The following DOCK4 variants were observed in gnomAD, a reference collection of about 807,000 sequenced individuals.
DOCK4 encodes dedicator of cytokinesis 4.
Under a neutral mutation model 268.1 loss-of-function variants are expected in DOCK4, and 97 were observed. That is an observed-to-expected ratio of 0.36 (90% confidence interval 0.31 to 0.43). DOCK4 has a LOEUF of 0.43. Ranked by LOEUF, DOCK4 falls within the 20% of genes least tolerant of loss-of-function variation. The pLI, the probability that DOCK4 is intolerant of heterozygous loss-of-function variation, is 1.00. For synonymous variants in DOCK4, 954 were observed against 887.2 expected (o/e 1.08, Z -1.34); for missense variants, 2,145 against 2,455.7 (o/e 0.87, Z 2.67).
In DOCK4 at chr7:111,772,044, C is replaced by T. The variant is rs1338852731; in HGVS notation, c.3680-2367G>A. Among the ~76,000 whole-genome samples the T allele has an allele frequency of 6.6e-5, 10 of 152,192 alleles. No homozygotes were observed. In the South Asian group the frequency reaches 1.0e-3, roughly 16 times the overall value. ...CCACAGGCAGTGATGACTTCAAGGG[C>T]GATGAAAGTCAAATTTACAGAGACA... On this transcript the variant is annotated intron_variant, in intron 36 of 52. Coordinates refer to ENST00000428084, the MANE Select transcript of DOCK4 (RefSeq NM_001363540.2).
chr7:111,778,383 G>C lies in DOCK4; in HGVS notation c.3586-14C>G. ...CTTATAGAAGTTCTGTAAAAAAAGA[G>C]TACAGGTATGGATAGTTCCTCAACA... On this transcript the variant is annotated splice_polypyrimidine_tract_variant and intron_variant, in intron 35 of 52. Transcript: ENST00000428084. 1.3e-6 allele frequency: 2 copies of C among 1,539,950 alleles called. No homozygotes were observed. The highest frequency in any genetic ancestry group is 1.8e-6 in the Non-Finnish European group (2 of 1,113,338).
chr7:111,924,831 C>T (rs546628021), intron 12 of DOCK4, among the ~76,000 whole-genome samples: 69 of 152,046 alleles, frequency 4.5e-4, no homozygotes, highest in African/African-American at 1.5e-3. Context: ...AATGGTTGTT[C>T]CATTGGAGGA....
At chr7:112,202,250 T>C (rs1480176507) in intron 1 of DOCK4, among the ~76,000 whole-genome samples, 2 of 152,242 alleles carry the variant, frequency 1.3e-5, no homozygotes, top group African/African-American at 2.4e-5. Flanking sequence ...TTTTAGTTCA[T>C]TGAAGGTCCT....
At chr7:111,801,980 C>T (rs1259899576) in intron 30 of DOCK4, among the ~76,000 whole-genome samples, 4 of 151,728 alleles carry the variant, frequency 2.6e-5, no homozygotes, top group African/African-American at 9.7e-5. Flanking sequence ...GGATTACAGG[C>T]GTGAGCCACC....
At chr7:112,147,740 CG>C (rs1458691604) in intron 1 of DOCK4, among the ~76,000 whole-genome samples, 1 of 148,496 alleles carries the variant, frequency 6.7e-6, no homozygotes, top group Non-Finnish European at 1.5e-5. Flanking sequence ...ATTGAAGACA[CG>C]AGTGAAGAAT....
rs140957501 is a variant in DOCK4, at chr7:112,061,181, G to A, written c.38-57050C>T. The stretch of plus-strand genomic sequence containing the variant: ...ATAAAGCGATGAGGACCACAGATGT[G>A]TAAATCAGCATTTCCAGTAATTACC... On this transcript the variant is annotated intron_variant, in intron 1 of 52. Transcript: ENST00000428084. 4.3e-3 allele frequency among the ~76,000 whole-genome samples: 659 copies of A among 152,242 alleles called. 7 individuals are homozygous for A. Among genetic ancestry groups the A allele is most frequent in the African/African-American group, 0.015 (625 of 41,546 alleles).
intron 12 of DOCK4, among the ~76,000 whole-genome samples, chr7:111,933,953 G>A (rs922763733): frequency 3.3e-5 from 5 of 152,110 alleles, no homozygotes; most frequent in Non-Finnish European, 7.4e-5. Flanking sequence ...CGGTCAGTTT[G>A]GTCTAGCAAG....
chr7:112,104,079 C>T (rs1438264604), intron 1 of DOCK4, among the ~76,000 whole-genome samples: 1 of 152,148 alleles, frequency 6.6e-6, no homozygotes, highest in African/African-American at 2.4e-5. Context: ...AAGTTCCCAC[C>T]TCCCATTCTC....
At chr7:112,189,755 T>TTG (rs1554475299) in intron 1 of DOCK4, among the ~76,000 whole-genome samples, 2 of 145,612 alleles carry the variant, frequency 1.4e-5, no homozygotes, top group African/African-American at 5.0e-5. Context: ...TGTTTTTTTT[T>TTG]TTTTTTTTTT....
intron 1 of DOCK4, among the ~76,000 whole-genome samples, chr7:112,172,833 C>T (rs538530954): frequency 6.6e-6 from 1 of 152,234 alleles, no homozygotes; most frequent in South Asian, 2.1e-4. Flanking sequence ...TTTCTTTAAA[C>T]TTTTTGTTAT....
At chr7:111,778,248 C>T in intron 36 of DOCK4, 28 bp downstream of exon 36, 3 of 1,522,828 alleles carry the variant, frequency 2.0e-6, no homozygotes, top group Non-Finnish European at 2.7e-6. Context: ...CAGCTCCCTT[C>T]CCAATCTGAG....
chr7:111,914,619 G>C (rs1202758173), intron 13 of DOCK4, among the ~76,000 whole-genome samples: 3 of 151,968 alleles, frequency 2.0e-5, no homozygotes, highest in Non-Finnish European at 4.4e-5. Context: ...TTATCTGCAC[G>C]GCTTCCTCAT....
chr7:112,019,381 T>C lies in DOCK4; in HGVS notation c.38-15250A>G, dbSNP rs946417416. Among the ~76,000 whole-genome samples the C allele has an allele frequency of 6.6e-5, 10 of 152,176 alleles. No homozygotes were observed. In the East Asian group the frequency reaches 1.9e-3, roughly 29 times the overall value. ...ATGACTGTAATTAAAAACTATCTTA[T>C]TTTATAGCCTCTGCTAACAGTCATT... On this transcript the variant is annotated intron_variant, in intron 1 of 52. Transcript: ENST00000428084.
chr7:112,041,520 A>G (rs1804355867), intron 1 of DOCK4, among the ~76,000 whole-genome samples: 1 of 152,214 alleles, frequency 6.6e-6, no homozygotes, highest in African/African-American at 2.4e-5. Context: ...CTGGAAGTTA[A>G]TTATGCCAAA....
intron 37 of DOCK4, among the ~76,000 whole-genome samples, chr7:111,768,913 T>C (rs1797940649): frequency 1.3e-5 from 2 of 152,136 alleles, no homozygotes; most frequent in African/African-American, 2.4e-5. Context: ...CCCAGGGTAA[T>C]GGTATTAGGA....
chr7:111,808,520 T>C (rs1800839008), intron 30 of DOCK4: 1 of 270,004 alleles, frequency 3.7e-6, no homozygotes, highest in Non-Finnish European at 7.0e-6. Context: ...AGTTCCAAAT[T>C]CTGAAAGGTT....
At chr7:112,041,977 T>G (rs1484046490) in intron 1 of DOCK4, among the ~76,000 whole-genome samples, 1 of 152,054 alleles carries the variant, frequency 6.6e-6, no homozygotes, top group Non-Finnish European at 1.5e-5. Context: ...CTCCAGTTGA[T>G]AGGCAAGCAA....
chr7:111,937,188 G>A (rs1794811577), intron 11 of DOCK4, among the ~76,000 whole-genome samples: 1 of 152,188 alleles, frequency 6.6e-6, no homozygotes, highest in African/African-American at 2.4e-5. Flanking sequence ...ATTTGCTACT[G>A]TTCTTTGAGT....
chr7:111,934,529 T>TTTTTG lies in DOCK4; in HGVS notation c.1066+1010_1066+1011insCAAAA, dbSNP rs1562907356. On this transcript the variant is annotated intron_variant, in intron 12 of 52. Coordinates refer to ENST00000428084, the MANE Select transcript of DOCK4 (RefSeq NM_001363540.2). ...CATGTTTTGTTTTGTTTTTGTTTTT[T>TTTTTG]TTTTTTTTTTTTTTTTTTTAGACAG... 1.0e-2 allele frequency among the ~76,000 whole-genome samples: 1,074 copies of TTTTTG among 107,718 alleles called. 10 individuals are homozygous for TTTTTG. Among genetic ancestry groups the TTTTTG allele is most frequent in the African/African-American group, 0.049 (997 of 20,270 alleles). 70.7% of individuals were successfully genotyped at this position (107,718 alleles called of 152,430 possible).
Sources: gnomAD v4.1 joint callset for allele counts (sites outside exome capture counted in the v4.1 genomes callset) on GRCh38, gnomAD v4.1.1 for gene constraint, MANE v1.5 for transcripts, NCBI Gene and HGNC (gene_info 2026-07-23, HGNC 2026-07-21) for gene names.